Variants in ZNF595 observed in about 807,000 individuals in gnomAD.
ZNF595 encodes zinc finger protein 595.
A neutral mutation model predicts 19.4 loss-of-function variants in ZNF595; 9 were observed. The observed-to-expected ratio is 0.46, with a 90% CI of 0.28 to 0.81. The LOEUF (loss-of-function observed/expected upper bound fraction) is 0.81. ZNF595 is among the 30% of genes least tolerant of loss of function. ZNF595 has a pLI of 0.11. For synonymous variants in ZNF595, 255 were observed against 255.9 expected (o/e 1.00, Z 0.03); for missense variants, 729 against 736.0 (o/e 0.99, Z 0.11).
rs1256998151 is a variant in ZNF595, at chr4:88,085, A to G, written c.*634A>G. 2 of 152,148 alleles carry G rather than the reference A, an allele frequency of 1.3e-5. No homozygotes were observed. The highest frequency in any genetic ancestry group is 6.5e-5 in the Admixed American group (1 of 15,280). The allele number at this position is 152,148 out of a possible 1,614,324, so 9.4% of individuals were successfully genotyped here. A position where few individuals can be genotyped will look rare whatever the true frequency, so the allele number is the denominator to read the frequency against. On this transcript the variant is annotated 3_prime_UTR_variant, in exon 4 of 4. Transcript: ENST00000610261. ...AGGTTATTTTATGATTATAATAAGT[A>G]TATGAGTATAATTATAATTCACACA...
At chr4:73,035 G>A (rs1713494502) in intron 3 of ZNF595, among the ~76,000 whole-genome samples, 1 of 152,148 alleles carries the variant, frequency 6.6e-6, no homozygotes. Context: ...AGTTGGGATG[G>A]GAGGTTGTTT....
In ZNF595 at chr4:86,924, C is replaced by T; in HGVS notation, c.1420C>T (p.His474Tyr). ...STTLNEHKKI[H>Y]TGEKPYKCEE... ...AACACTGAACGAACATAAGAAAATT[C>T]ATACTGGCGAGAAACCCTACAAATG... The change falls in exon 4 of 4, where the codon CAT becomes TAT. Residue 474 changes from histidine to tyrosine, a missense_variant. Transcript: ENST00000610261. 6.2e-7 allele frequency: 1 copy of T among 1,610,816 alleles called. No homozygotes were observed. Among genetic ancestry groups the T allele is most frequent in the South Asian group, 1.1e-5 (1 of 90,576 alleles).
intron 3 of ZNF595, among the ~76,000 whole-genome samples, chr4:76,581 G>A (rs1020020084): frequency 6.6e-6 from 1 of 152,008 alleles, no homozygotes; most frequent in Non-Finnish European, 1.5e-5. Context: ...TTAGAAGTCC[G>A]TTATTACAAC....
At chr4:72,038 C>A (rs1307435724) in intron 3 of ZNF595, among the ~76,000 whole-genome samples, 4 of 152,122 alleles carry the variant, frequency 2.6e-5, no homozygotes, top group African/African-American at 9.7e-5. Flanking sequence ...GCCTAACTTG[C>A]CACTTGAGTC....
intron 3 of ZNF595, among the ~76,000 whole-genome samples, chr4:63,088 A>G (rs1581326108): frequency 8.6e-6 from 1 of 116,850 alleles, no homozygotes; most frequent in Admixed American, 8.7e-5. Context: ...TGCATTGTAT[A>G]TTATTGGTGG....
intron 3 of ZNF595, among the ~76,000 whole-genome samples, chr4:83,619 CAAAAAAAAAAA>C (rs71164492): frequency 4.1e-4 from 16 of 38,600 alleles, no homozygotes; most frequent in East Asian, 1.1e-3. Flanking sequence ...GACTCCGTCT[CAAAAAAAAAAA>C]AAAAAAAAAA....
intron 1 of ZNF595, among the ~76,000 whole-genome samples, chr4:54,830 C>A (rs1229347174): frequency 1.3e-4 from 20 of 151,492 alleles, no homozygotes; most frequent in Admixed American, 3.3e-4. Context: ...CCTGCCTCGG[C>A]CTGTACCTGT....
chr4:70,726 C>T (rs1713393091), intron 3 of ZNF595, among the ~76,000 whole-genome samples: 1 of 152,218 alleles, frequency 6.6e-6, no homozygotes, highest in Non-Finnish European at 1.5e-5. Flanking sequence ...TTTTACTGAT[C>T]AGTCCCATGC....
At position 86,417 on chromosome 4, in the gene ZNF595, A is replaced by T. The variant is rs782384250; in HGVS notation, c.913A>T (p.Ile305Phe). The change falls in exon 4 of 4, where the codon ATT becomes TTT. Residue 305 changes from isoleucine to phenylalanine, a missense_variant. This residue lies in a region of ZNF595 where 729 missense variants were observed against 675.3 expected (regional missense o/e 1.08). Transcript: ENST00000610261. Reference protein sequence around the residue: ...WSTSLNEHKNIHTGEKPYKCK... With the variant: ...WSTSLNEHKNFHTGEKPYKCK... ...CACAAGCCTGAATGAACATAAGAAT[A>T]TTCATACTGGAGAGAAACCCTACAA... The T allele has an allele frequency of 3.1e-6, 5 of 1,614,122 alleles. No individual in the cohort carries two copies. The South Asian group carries it at 5.5e-5, about 18-fold the overall frequency.
rs3789149 is a variant in ZNF595 at position 86,908 on chromosome 4, C to G, written c.1404C>G (p.Asn468Lys). The G allele has an allele frequency of 1.2e-6, 2 of 1,601,492 alleles. No homozygotes were observed. Among genetic ancestry groups the G allele is most frequent in the South Asian group, 2.2e-5 (2 of 90,614 alleles). Reference protein sequence around the residue: ...GKAFTRSTTLNEHKKIHTGEK... With the variant: ...GKAFTRSTTLKEHKKIHTGEK... ...CCTTTACACGGTCCACAACACTGAACGAACATAAGAAAATTCATACTGGCG... is the reference window on the plus strand; with the variant it reads ...CCTTTACACGGTCCACAACACTGAAGGAACATAAGAAAATTCATACTGGCG... The change falls in exon 4 of 4, where the codon AAC becomes AAG. Residue 468 changes from asparagine to lysine, a missense_variant. Asn to Lys is a moderately conservative substitution (Grantham distance 94). Coordinates refer to ENST00000610261, the MANE Select transcript of ZNF595 (RefSeq NM_182524.4).
At chr4:60,846 T>C (rs1581322417) in intron 3 of ZNF595, among the ~76,000 whole-genome samples, 1 of 152,278 alleles carries the variant, frequency 6.6e-6, no homozygotes, top group Non-Finnish European at 1.5e-5. Context: ...TTATTTTGTA[T>C]AAACTGAAAT....
chr4:86,520 C>G lies in ZNF595; in HGVS notation c.1016C>G (p.Pro339Arg), dbSNP rs1553801605. ...EHKNIHTGEKPYTCEKCGKAF... is the reference protein window; with the variant it reads ...EHKNIHTGEKRYTCEKCGKAF... ...AAAAATATTCATACTGGCGAAAAAC[C>G]CTACACATGTGAAAAATGTGGCAAA... The change falls in exon 4 of 4, where the codon CCC becomes CGC. Residue 339 changes from proline to arginine, a missense_variant. This residue lies in a region of ZNF595 where 729 missense variants were observed against 675.3 expected (regional missense o/e 1.08). Transcript: ENST00000610261. 2 of 1,613,920 alleles carry G rather than the reference C, an allele frequency of 1.2e-6. No individual in the cohort carries two copies. The highest frequency in any genetic ancestry group is 8.5e-7 in the Non-Finnish European group (1 of 1,179,926).
intron 3 of ZNF595, among the ~76,000 whole-genome samples, chr4:64,647 AGAAC>A (rs1581328493): frequency 2.6e-5 from 4 of 152,180 alleles, no homozygotes; most frequent in African/African-American, 9.7e-5. Flanking sequence ...GCAGTTTTCA[AGAAC>A]CTATTTTGAA....
intron 3 of ZNF595, among the ~76,000 whole-genome samples, chr4:61,473 C>T (rs1315635873): frequency 2.8e-3 from 411 of 148,508 alleles, no homozygotes; most frequent in South Asian, 0.022. Flanking sequence ...TGTCATTAAC[C>T]GGCTTAGAAC....
chr4:61,284 C>T (rs1283884737), intron 3 of ZNF595, among the ~76,000 whole-genome samples: 421 of 146,362 alleles, frequency 2.9e-3, no homozygotes, highest in African/African-American at 0.011. Flanking sequence ...GGTTCTTCTG[C>T]CTCAGCCTCC....
intron 3 of ZNF595, among the ~76,000 whole-genome samples, chr4:69,300 A>G (rs561960431): frequency 5.7e-4 from 87 of 152,174 alleles, no homozygotes; most frequent in African/African-American, 1.9e-3. Flanking sequence ...TCTATTTTTC[A>G]TTTTTTGAGG....
intron 3 of ZNF595, chr4:60,518 A>C (rs1406094607): frequency 9.1e-5 from 41 of 449,782 alleles, no homozygotes; most frequent in African/African-American, 7.4e-4. Flanking sequence ...CATCATGCCT[A>C]AAATACGTAA....
At chr4:73,931 T>C (rs1393058044) in intron 3 of ZNF595, among the ~76,000 whole-genome samples, 1 of 151,962 alleles carries the variant, frequency 6.6e-6, no homozygotes, top group Non-Finnish European at 1.5e-5. Context: ...GACCGTGGTG[T>C]TGTCAGAATT....
chr4:70,059 G>A (rs1241909327), intron 3 of ZNF595, among the ~76,000 whole-genome samples: 2 of 152,156 alleles, frequency 1.3e-5, no homozygotes, highest in Non-Finnish European at 2.9e-5. Flanking sequence ...CAGCTAGTGA[G>A]ACTCGCATTT....
Sources: gnomAD v4.1 joint callset for allele counts (sites outside exome capture counted in the v4.1 genomes callset) on GRCh38, gnomAD v4.1.1 for gene constraint, gnomAD v4.1.1 regional missense constraint, MANE v1.5 for transcripts, NCBI Gene and HGNC (gene_info 2026-07-23, HGNC 2026-07-21) for gene names.